Variants in SEM1 observed in about 807,000 individuals in gnomAD.
SEM1 encodes the protein 26S proteasome complex subunit SEM1.
SEM1 carries 3 observed loss-of-function variants against 12.7 expected under a neutral mutation model. That is an observed-to-expected ratio of 0.24 (90% CI 0.11 to 0.61). The LOEUF (loss-of-function observed/expected upper bound fraction) is 0.61, where lower values mean the gene tolerates loss of function less well. SEM1 is among the 20% of genes least tolerant of loss of function. SEM1 has a pLI of 0.88. For synonymous variants in SEM1, 30 were observed against 27.8 expected, an observed-to-expected ratio of 1.08 and a Z score of -0.25; for missense variants, 59 against 81.3, an observed-to-expected ratio of 0.73 and a Z score of 1.06.
At chr7:96,603,412 T>C (rs1170924817) in intron 2 of SEM1, among the ~76,000 whole-genome samples, 1 of 152,176 alleles carries the variant, frequency 6.6e-6, no homozygotes, top group East Asian at 1.9e-4. Context: ...CAGTGAGCTA[T>C]GGAGGAAGAT....
intron 2 of SEM1, among the ~76,000 whole-genome samples, chr7:96,516,232 T>C (rs191712966): frequency 6.6e-6 from 1 of 152,172 alleles, no homozygotes; most frequent in East Asian, 1.9e-4. Flanking sequence ...AAAGAACTGA[T>C]AAGTTGGACT....
intron 2 of SEM1, among the ~76,000 whole-genome samples, chr7:96,681,883 C>T (rs1789623775): frequency 6.6e-6 from 1 of 152,026 alleles, no homozygotes; most frequent in Non-Finnish European, 1.5e-5. Context: ...TTTTTGGTTT[C>T]ATATGAAATT....
chr7:96,669,057 ACC>A (rs1789242518), downstream of SEM1, among the ~76,000 whole-genome samples: 1 of 152,114 alleles, frequency 6.6e-6, no homozygotes, highest in Non-Finnish European at 1.5e-5. Flanking sequence ...CCCTGCTGAC[ACC>A]TTAATTTCAG....
chr7:96,589,280 G>T (rs532390706), intron 2 of SEM1, among the ~76,000 whole-genome samples: 1 of 152,242 alleles, frequency 6.6e-6, no homozygotes, highest in African/African-American at 2.4e-5. Flanking sequence ...GGCCCTCCAG[G>T]TGGTTCTGGT....
At chr7:96,618,291 T>G (rs545046836), downstream of SEM1, among the ~76,000 whole-genome samples, 1 of 152,292 alleles carries the variant, frequency 6.6e-6, no homozygotes, top group African/African-American at 2.4e-5. Context: ...ATCCATTTCC[T>G]TTACAGGTGA....
chr7:96,489,163 C>T (rs1033267308), intron 1 of SEM1, among the ~76,000 whole-genome samples: 9 of 152,076 alleles, frequency 5.9e-5, no homozygotes, highest in African/African-American at 1.4e-4. Context: ...CTCACAGTGC[C>T]GCCAGAAGAA....
chr7:96,557,774 G>T (rs1253222921), intron 2 of SEM1, among the ~76,000 whole-genome samples: 1 of 151,842 alleles, frequency 6.6e-6, no homozygotes. Flanking sequence ...GCAATGGCGG[G>T]CGCCCTTCCC....
chr7:96,486,478 G>C, intron 1 of SEM1: 10 of 1,361,030 alleles, frequency 7.3e-6, no homozygotes, highest in Non-Finnish European at 1.0e-5. Context: ...GTGAGGAGGC[G>C]GGCACCTGTT....
intron 2 of SEM1, among the ~76,000 whole-genome samples, chr7:96,593,907 GGTTT>G (rs1319513234): frequency 6.6e-6 from 1 of 150,776 alleles, no homozygotes; most frequent in Non-Finnish European, 1.5e-5. Context: ...TAAAAAGTTG[GGTTT>G]GTTTTTTTTT....
intron 3 of SEM1, among the ~76,000 whole-genome samples, chr7:96,502,487 A>C (rs1803599935): frequency 6.6e-6 from 1 of 152,144 alleles, no homozygotes; most frequent in Admixed American, 6.6e-5. Context: ...TACAGCATAT[A>C]AATTTAATTC....
intron 2 of SEM1, among the ~76,000 whole-genome samples, chr7:96,520,805 G>A (rs1804243175): frequency 6.6e-6 from 1 of 152,134 alleles, no homozygotes; most frequent in South Asian, 2.1e-4. Flanking sequence ...ACAGAGGCTA[G>A]TAGGCTGGCC....
intron 2 of SEM1, among the ~76,000 whole-genome samples, chr7:96,572,810 G>A (rs10277869): frequency 0.54 from 82,740 of 151,934 alleles, 24,588 homozygotes; most frequent in Non-Finnish European, 0.68. Context: ...GCTTGGTCCA[G>A]AGTTGAGTTC....
intron 2 of SEM1, among the ~76,000 whole-genome samples, chr7:96,581,455 C>T (rs1171227323): frequency 6.6e-6 from 1 of 151,572 alleles, no homozygotes; most frequent in Non-Finnish European, 1.5e-5. Context: ...GCGATGCGGG[C>T]TCTTTTTTGG....
chr7:96,575,837 G>T (rs2116017458), intron 2 of SEM1, among the ~76,000 whole-genome samples: 1 of 152,304 alleles, frequency 6.6e-6, no homozygotes, highest in African/African-American at 2.4e-5. Flanking sequence ...CTGACAAATG[G>T]TTAATATCCA....
chr7:96,517,841 A>G (rs980047452), intron 2 of SEM1, among the ~76,000 whole-genome samples: 1 of 152,160 alleles, frequency 6.6e-6, no homozygotes, highest in Non-Finnish European at 1.5e-5. Context: ...AGTCTCTAGT[A>G]TATTTGACAG....
intron 2 of SEM1, among the ~76,000 whole-genome samples, chr7:96,605,298 G>T (rs1176384766): frequency 1.3e-5 from 2 of 152,014 alleles, no homozygotes; most frequent in East Asian, 3.9e-4. Flanking sequence ...TAAATCCAAC[G>T]AACTATGGTG....
chr7:96,514,865 C>T (rs1804041481), intron 2 of SEM1, among the ~76,000 whole-genome samples: 1 of 149,128 alleles, frequency 6.7e-6, no homozygotes, highest in Non-Finnish European at 1.5e-5. Context: ...TCAATATAAT[C>T]TCAATCAAAA....
intron 2 of SEM1, among the ~76,000 whole-genome samples, chr7:96,579,394 G>A (rs1381124781): frequency 1.3e-5 from 2 of 152,128 alleles, no homozygotes; most frequent in Admixed American, 6.6e-5. Context: ...TCTTTCTTCA[G>A]CACATTTTGC....
chr7:96,692,840 T>TA (rs1306457627), intron 2 of SEM1, among the ~76,000 whole-genome samples: 1 of 152,052 alleles, frequency 6.6e-6, no homozygotes, highest in Non-Finnish European at 1.5e-5. Context: ...AATTGAAAAC[T>TA]AAGACAGGTA....
Sources: allele counts gnomAD v4.1 joint callset (sites outside exome capture counted in the v4.1 genomes callset), GRCh38; gene constraint gnomAD v4.1.1; transcripts MANE v1.5; gene names NCBI Gene and HGNC (gene_info 2026-07-23, HGNC 2026-07-21).